Variants in MOGS observed in about 807,000 individuals in gnomAD.
The protein encoded by MOGS is epididymis secretory sperm binding protein.
A neutral mutation model predicts 68.5 loss-of-function variants in MOGS; 45 were observed. The ratio of observed to expected loss-of-function variants is 0.66; its 90% CI spans 0.52 to 0.84. The LOEUF (loss-of-function observed/expected upper bound fraction) is 0.84, where lower values mean the gene tolerates loss of function less well. MOGS is among the 40% of genes least tolerant of loss of function. MOGS has a pLI of 0.00. For synonymous variants in MOGS, 492 were observed against 461.2 expected, an observed-to-expected ratio of 1.07 and a Z score of -0.86; for missense variants, 1,020 against 1,095.0, an observed-to-expected ratio of 0.93 and a Z score of 0.97.
rs1572920416 is a variant in MOGS at position 74,462,539 on chromosome 2, A to G, written c.1250T>C (p.Val417Ala). 6.2e-7 allele frequency: 1 copy of G among 1,609,330 alleles called. No individual in the cohort carries two copies. The highest frequency in any genetic ancestry group is 8.5e-7 in the Non-Finnish European group (1 of 1,176,978). The change falls in exon 4 of 4, where the codon GTG (valine) becomes GCG (alanine). Residue 417 changes from valine to alanine, a missense_variant. By Grantham distance (64) the Val-to-Ala change is moderately conservative. Transcript: ENST00000448666. Reference sequence around the variant, plus strand: ...GTCCACCTTCTGCTCAGACCCTTCCACCCCGATGTCTGGCAATACCAGCCC... The same window carrying G: ...GTCCACCTTCTGCTCAGACCCTTCCGCCCCGATGTCTGGCAATACCAGCCC... ...GQGLVLPDIG[V>A]EGSEQKVDPA...
rs750582511 is a variant in MOGS, at chr2:74,462,504, A to G, written c.1285T>C (p.Phe429Leu). The change falls in exon 4 of 4, where the codon TTT (phenylalanine) becomes CTT (leucine). Residue 429 changes from phenylalanine (F) to leucine (L), a missense_variant. By Grantham distance (22) the Phe-to-Leu change is conservative. Transcript: ENST00000448666. Reference sequence around the variant, plus strand: ...GCTGTAAAAAGAGGTACGGGTGGAAAGAGGGCTGGGTCCACCTTCTGCTCA... The same window carrying G: ...GCTGTAAAAAGAGGTACGGGTGGAAGGAGGGCTGGGTCCACCTTCTGCTCA... ...GSEQKVDPAL[F>L]PPVPLFTAVP... is the part of the protein sequence containing the mutation. The G allele has an allele frequency of 6.2e-6, 10 of 1,607,948 alleles. No homozygotes were observed. Among genetic ancestry groups the G allele is most frequent in the African/African-American group, 1.3e-5 (1 of 74,724 alleles).
chr2:74,463,510 G>T, intron 2 of MOGS, 124 bp from the exon 3 acceptor site: 2 of 1,028,292 alleles, frequency 1.9e-6, no homozygotes, highest in Non-Finnish European at 1.5e-6. Flanking sequence ...AACAACATAC[G>T]TCTGGCAGTA....
In MOGS at chr2:74,463,191, T is replaced by G; in HGVS notation, c.775A>C (p.Ser259Arg). ...CCAACATTCTTTTCCCCCAGTTACC[T>G]GCCATACTTGGGGGCTGTATCCCCT... ...SPGDTAPKYG[S>R]YNVFWTSNPG... Residue 259 changes from serine to arginine, a missense_variant and splice_region_variant, in exon 3 of 4, where the codon AGC becomes CGC. By Grantham distance (110) the Ser-to-Arg change is moderately radical (BLOSUM62 -1). Transcript: ENST00000448666. 6.2e-7 allele frequency: 1 copy of G among 1,614,126 alleles called. No homozygotes were observed. Among genetic ancestry groups the G allele is most frequent in the Non-Finnish European group, 8.5e-7 (1 of 1,180,010 alleles).
In MOGS at chr2:74,464,665, C is replaced by G; in HGVS notation, c.410G>C (p.Cys137Ser). Reference protein sequence around the residue: ...TPGTPKLRHTCEQGDGVGPYG... With the variant: ...TPGTPKLRHTSEQGDGVGPYG... ...GGGACCCACACCGTCCCCCTGCTCA[C>G]ACGTGTGCCTGAGCTTAGGAGTCCC... Residue 137 changes from cysteine (C) to serine (S), a missense_variant, in exon 2 of 4, where the codon TGT (cysteine) becomes TCT (serine). Physicochemically the swap from Cys to Ser is moderately radical, Grantham distance 112. Transcript: ENST00000448666. 6.2e-7 allele frequency: 1 copy of G among 1,614,098 alleles called. No individual in the cohort carries two copies. Among genetic ancestry groups the G allele is most frequent in the Non-Finnish European group, 8.5e-7 (1 of 1,180,028 alleles).
Position 74,461,840 on chromosome 2 carries a change from C to G in MOGS, c.1949G>C (p.Gly650Ala), listed in dbSNP as rs530177944. The G allele has an allele frequency of 1.2e-6, 2 of 1,614,034 alleles. No individual in the cohort carries two copies. Among genetic ancestry groups the G allele is most frequent in the African/African-American group, 2.7e-5 (2 of 74,924 alleles). The change falls in exon 4 of 4, where the codon GGA (glycine) becomes GCA (alanine). Residue 650 changes from glycine to alanine, a missense_variant. Coordinates refer to ENST00000448666, the MANE Select transcript of MOGS (RefSeq NM_006302.3). ...GTGGTTCCCAAAGTCTGCAAAGACT[C>G]CTAGCTCTGGGGCCCAGTGCAGCTC... ...LDELHWAPEL[G>A]VFADFGNHTK... is the part of the protein sequence containing the mutation.
chr2:74,465,017 C>T lies in MOGS; in HGVS notation c.231G>A (p.Ala77=). The change falls in exon 1 of 4, where the codon GCG becomes GCA. Residue 77 remains alanine (A), a synonymous_variant. Coordinates refer to ENST00000448666, the MANE Select transcript of MOGS (RefSeq NM_006302.3). The stretch of plus-strand genomic sequence containing the variant: ...AGGAGTCGGCAGGCAACACAGGAGG[C>T]GCGGAGTGCAGCGTGACCGCCCGCC... The part of the protein sequence containing the change: ...RARRAVTLHS[A]PPVLPADSSS... The T allele has an allele frequency of 1.9e-6, 3 of 1,554,596 alleles. No individual in the cohort carries two copies. Among genetic ancestry groups the T allele is most frequent in the Non-Finnish European group, 2.6e-6 (3 of 1,149,358 alleles).
At position 74,462,007 on chromosome 2, in the gene MOGS, G is replaced by A. The variant is rs762635961; in HGVS notation, c.1782C>T (p.Thr594=). The stretch of plus-strand genomic sequence containing the variant: ...AACATCGCAGGTCCAGGTGCCGCTC[G>A]GTTACTGAAGGGTGTGAAGCCCGGG... ...DYPRASHPSV[T]ERHLDLRCWV... Residue 594 remains threonine (T), a synonymous_variant, in exon 4 of 4, where the codon ACC becomes ACT. Transcript: ENST00000448666. 2.0e-5 allele frequency: 32 copies of A among 1,614,060 alleles called. No individual in the cohort carries two copies. Among genetic ancestry groups the A allele is most frequent in the South Asian group, 1.3e-4 (12 of 91,088 alleles).
In MOGS at chr2:74,462,305, CG is replaced by C. The variant is rs569067391; in HGVS notation, c.1483del (p.Arg495GlufsTer9). On this transcript the variant is annotated frameshift_variant, in exon 4 of 4. Transcript: ENST00000448666. LOFTEE classifies it high-confidence loss of function. ...GREQILGDEA[R>X]ARVPPEFLVQ... Reference sequence around the variant, plus strand: ...TAGGAATTCTGGAGGCACCCGGGCTCGGGCCTCATCCCCCAGTATCTGCTCC... The same window carrying C: ...TAGGAATTCTGGAGGCACCCGGGCTCGGCCTCATCCCCCAGTATCTGCTCC... The C allele has an allele frequency of 6.2e-7, 1 of 1,613,832 alleles. No homozygotes were observed. The highest frequency in any genetic ancestry group is 1.1e-5 in the South Asian group (1 of 91,084).
intron 2 of MOGS, chr2:74,464,285 T>C: frequency 1.7e-6 from 1 of 581,454 alleles, no homozygotes; most frequent in Non-Finnish European, 3.1e-6. Context: ...CTTACAGTCC[T>C]GTGAGTTAAG....
At position 74,462,452 on chromosome 2, in the gene MOGS, C is replaced by T. The variant is rs770676163; in HGVS notation, c.1337G>A (p.Arg446Gln). 8 of 1,611,850 alleles carry T rather than the reference C, an allele frequency of 5.0e-6. No individual in the cohort carries two copies. Among genetic ancestry groups the T allele is most frequent in the South Asian group, 1.1e-5 (1 of 91,004 alleles). The stretch of plus-strand genomic sequence containing the variant: ...AAAGCCTTCATCCCAAAGGAAGCCT[C>T]GTGGGAAGAATGACCGGGAGGGCAC... ...TAVPSRSFFP[R>Q]GFLWDEGFHQ... is the part of the protein sequence containing the mutation. Residue 446 changes from arginine (R) to glutamine (Q), a missense_variant, in exon 4 of 4, where the codon CGA becomes CAA. By Grantham distance (43) the Arg-to-Gln change is conservative. Coordinates refer to ENST00000448666, the MANE Select transcript of MOGS (RefSeq NM_006302.3).
rs889876307 is a variant in MOGS at position 74,465,171 on chromosome 2, C to A, written c.77G>T (p.Gly26Val). The A allele has an allele frequency of 2.0e-6, 3 of 1,530,732 alleles. No homozygotes were observed. The South Asian group carries it at 3.6e-5, about 18-fold the overall frequency. The allele number at this position is 1,530,732 out of a possible 1,614,324, so 94.8% of individuals were successfully genotyped here. ...GCCCCGGCCGTCCCGTCGCCCGGGGCCTCCCCGAGCCGCCCTCTCGGCTGT... is the reference window on the plus strand; with the variant it reads ...GCCCCGGCCGTCCCGTCGCCCGGGGACTCCCCGAGCCGCCCTCTCGGCTGT... ...VRTAERAARG[G>V]PGRRDGRGGG... Residue 26 changes from glycine to valine, a missense_variant, in exon 1 of 4, where the codon GGC becomes GTC. This residue lies in a region of MOGS where 569 missense variants were observed against 571.9 expected (regional missense o/e 0.99). Transcript: ENST00000448666.
rs1458216207 is a variant in MOGS, at chr2:74,465,097, G to A, written c.151C>T (p.Leu51=). The A allele has an allele frequency of 3.9e-6, 6 of 1,550,490 alleles. No homozygotes were observed. The highest frequency in any genetic ancestry group is 3.5e-5 in the South Asian group (3 of 84,716). ...CCCGACATACCCAGGGCCAAAGACA[G>A]GACCACGACGGCCAGAGCCACTCCT... ...AGGVALAVVV[L]SLALGMSGRW... Residue 51 remains leucine, a synonymous_variant, in exon 1 of 4, where the codon CTG becomes TTG. Coordinates refer to ENST00000448666, the MANE Select transcript of MOGS (RefSeq NM_006302.3).
At chr2:74,463,151 C>T (rs1404030304) in intron 3 of MOGS, 39 bp downstream of exon 3, 2 of 1,612,700 alleles carry the variant, frequency 1.2e-6, no homozygotes, top group Non-Finnish European at 1.7e-6. Context: ...TGGGAATAAC[C>T]ACCCCTTCCA....
intron 2 of MOGS, chr2:74,464,271 A>T: frequency 1.8e-6 from 1 of 548,716 alleles, no homozygotes; most frequent in Non-Finnish European, 3.2e-6. Context: ...TTTTTCATTT[A>T]ATTCTTACAG....
chr2:74,464,981 G>C lies in MOGS; in HGVS notation c.267C>G (p.Ala89=). 6.4e-7 allele frequency: 1 copy of C among 1,566,070 alleles called. No homozygotes were observed. Among genetic ancestry groups the C allele is most frequent in the African/African-American group, 1.4e-5 (1 of 73,972 alleles). ...PVLPADSSSP[A]VAPDLFWGTY... ...TTCCCCAGAAGAGGTCCGGGGCCAC[G>C]GCGGGGCTGGAGGAGTCGGCAGGCA... is the stretch of plus-strand genomic sequence containing the variant. The change falls in exon 1 of 4, where the codon GCC becomes GCG. Residue 89 remains alanine (A), a synonymous_variant. Coordinates refer to ENST00000448666, the MANE Select transcript of MOGS (RefSeq NM_006302.3).
chr2:74,464,863 T>C (rs1572922174), intron 1 of MOGS, 33 bp downstream of exon 1: 11 of 1,588,728 alleles, frequency 6.9e-6, no homozygotes, highest in Non-Finnish European at 8.6e-6. Context: ...AGATTAGGAG[T>C]CCGCCTGCCT....
chr2:74,462,077 G>C lies in MOGS; in HGVS notation c.1712C>G (p.Thr571Ser). The change falls in exon 4 of 4, where the codon ACC becomes AGC. Residue 571 changes from threonine to serine, a missense_variant. Coordinates refer to ENST00000448666, the MANE Select transcript of MOGS (RefSeq NM_006302.3). The stretch of plus-strand genomic sequence containing the variant: ...GGGTAGGGTCTTGGGGTTCAGTAAG[G>C]TTGGTAAGGCAGGGTCCCGTCCCCG... ...RWRGRDPALP[T>S]LLNPKTLPSG... 6.2e-7 allele frequency: 1 copy of C among 1,614,178 alleles called. No homozygotes were observed. The highest frequency in any genetic ancestry group is 1.1e-5 in the South Asian group (1 of 91,092).
chr2:74,464,622 G>T lies in MOGS; in HGVS notation c.453C>A (p.His151Gln). ...GTTGGCGCCCGAAGGAGAGGCCGTC[G>T]TGGAACTCCCAGCCATAGGGACCCA... Reference protein sequence around the residue: ...DGVGPYGWEFHDGLSFGRQHI... With the variant: ...DGVGPYGWEFQDGLSFGRQHI... The change falls in exon 2 of 4, where the codon CAC becomes CAA. Residue 151 changes from histidine (H) to glutamine (Q), a missense_variant. Physicochemically the swap from His to Gln is conservative, Grantham distance 24. This residue lies in a region of MOGS where 569 missense variants were observed against 571.9 expected (regional missense o/e 0.99). Transcript: ENST00000448666. The T allele has an allele frequency of 6.2e-7, 1 of 1,614,016 alleles. No individual in the cohort carries two copies. Among genetic ancestry groups the T allele is most frequent in the Non-Finnish European group, 8.5e-7 (1 of 1,180,032 alleles).
chr2:74,461,058 A>C lies in MOGS; in HGVS notation c.*217T>G. ...GTGAGGCAAATCTGGCAAAAGCAAT[A>C]GAGTTCAAAATGTTTTTTCCAATTT... On this transcript the variant is annotated 3_prime_UTR_variant, in exon 4 of 4. Transcript: ENST00000448666. 1.5e-6 allele frequency: 1 copy of C among 662,896 alleles called. No individual in the cohort carries two copies. 41.1% of individuals were successfully genotyped at this position (662,896 alleles called of 1,614,324 possible).
Sources: gnomAD v4.1 joint callset for allele counts on GRCh38, gnomAD v4.1.1 for gene constraint, gnomAD v4.1.1 regional missense constraint, MANE v1.5 for transcripts, NCBI Gene and HGNC (gene_info 2026-07-23, HGNC 2026-07-21) for gene names.